TEX14: variants seen among roughly 807,000 people sequenced by gnomAD.
TEX14 encodes testis expressed 14, intercellular bridge forming factor, also known as inactive serine/threonine-protein kinase TEX14.
Under a neutral mutation model 178.6 loss-of-function variants are expected in TEX14, and 168 were observed. The ratio of observed to expected loss-of-function variants is 0.94; its 90% CI spans 0.83 to 1.07. The LOEUF is 1.07. Among genes scored for constraint, TEX14 ranks in the 50% least tolerant of loss-of-function variants. The probability of loss-of-function intolerance (pLI) is 0.00; values close to 1 mark genes in which losing one functional copy is unlikely to be tolerated. For missense variants in TEX14, 1,730 were observed against 1,753.6 expected (o/e 0.99, Z 0.24); for synonymous variants, 626 against 634.1 (o/e 0.99, Z 0.19).
chr17:58,610,185 C>T (rs1054587597), intron 10 of TEX14, among the ~76,000 whole-genome samples: 2 of 152,256 alleles, frequency 1.3e-5, no homozygotes, highest in Admixed American at 6.5e-5. Flanking sequence ...TCTCACTGTG[C>T]TGAGCCCCTT....
intron 13 of TEX14, 138 bp from the exon 14 acceptor site, chr17:58,599,804 G>A (rs1313983269): frequency 5.9e-6 from 4 of 673,258 alleles, no homozygotes; most frequent in Non-Finnish European, 9.9e-6. Flanking sequence ...TCCCAGTTGT[G>A]GAAGACTACT....
chr17:58,617,479 G>C (rs2045899281), intron 6 of TEX14, 59 bp downstream of exon 6: 2 of 1,287,108 alleles, frequency 1.6e-6, no homozygotes, highest in African/African-American at 2.9e-5. Context: ...GTGGGAGATG[G>C]GGCCCGATGA....
intron 13 of TEX14, 88 bp from the exon 14 acceptor site, chr17:58,599,754 GTC>G: frequency 1.1e-6 from 1 of 940,274 alleles, no homozygotes; most frequent in Non-Finnish European, 1.5e-6. Flanking sequence ...GGCAAAGACT[GTC>G]AAAAAAAAAA....
At chr17:58,591,604 A>G (rs570292782) in intron 15 of TEX14, among the ~76,000 whole-genome samples, 1 of 152,248 alleles carries the variant, frequency 6.6e-6, no homozygotes, top group African/African-American at 2.4e-5. Flanking sequence ...TGAAACAAAC[A>G]GCAAACTCGT....
At chr17:58,572,310 T>C (rs1006800853) in intron 23 of TEX14, among the ~76,000 whole-genome samples, 184 bp from the exon 24 acceptor site, 8 of 151,990 alleles carry the variant, frequency 5.3e-5, no homozygotes, top group Non-Finnish European at 2.9e-5. Context: ...AACCTATACC[T>C]ATACTAAGGA....
chr17:58,633,684 G>A (rs953392500), intron 2 of TEX14, among the ~76,000 whole-genome samples: 3 of 151,938 alleles, frequency 2.0e-5, no homozygotes, highest in Non-Finnish European at 2.9e-5. Context: ...AAAATTAGCC[G>A]GGGGCCGGGC....
Position 58,623,011 on chromosome 17 carries a change from G to A in TEX14, c.253C>T (p.Arg85Cys), listed in dbSNP as rs375760960. 1.1e-5 allele frequency: 18 copies of A among 1,588,242 alleles called. No homozygotes were observed. The highest frequency in any genetic ancestry group is 3.4e-5 in the Admixed American group (2 of 59,616). The change falls in exon 4 of 32, where the codon CGC (arginine) becomes TGC (cysteine). Residue 85 changes from arginine (R) to cysteine (C), a missense_variant and splice_region_variant. Coordinates refer to ENST00000349033, the MANE Select transcript of TEX14 (RefSeq NM_031272.5). ...LVDYGSDPNH[R>C]CFDGSTPVHA... ...ACAGGGGTGCTCCCATCAAAGCAGC[G>A]GCTGGGGAGGGAGATGAGTACAATT...
chr17:58,684,033 C>T (rs1484204470), intron 1 of TEX14, among the ~76,000 whole-genome samples: 2 of 152,090 alleles, frequency 1.3e-5, no homozygotes, highest in African/African-American at 4.8e-5. Context: ...CCACTGCACT[C>T]CAGCCTGGCT....
chr17:58,573,762 G>A (rs1004547079), intron 22 of TEX14, among the ~76,000 whole-genome samples: 7 of 151,924 alleles, frequency 4.6e-5, no homozygotes, highest in Non-Finnish European at 8.8e-5. Context: ...CAGGTGATCC[G>A]CCCACCTCAG....
At chr17:58,578,850 T>C (rs1042423706) in intron 20 of TEX14, among the ~76,000 whole-genome samples, 3 of 152,184 alleles carry the variant, frequency 2.0e-5, no homozygotes, top group Admixed American at 6.5e-5. Flanking sequence ...AAGGTTACAG[T>C]TGGAAGCTGG....
At chr17:58,622,360 T>G (rs1404431317) in intron 4 of TEX14, among the ~76,000 whole-genome samples, 1 of 151,588 alleles carries the variant, frequency 6.6e-6, no homozygotes, top group Non-Finnish European at 1.5e-5. Context: ...GCAGGAGAAT[T>G]GCTTGAACCC....
At chr17:58,661,193 G>A (rs1346718709) in intron 1 of TEX14, 1 of 799,952 alleles carries the variant, frequency 1.3e-6, no homozygotes, top group Non-Finnish European at 2.3e-6. Context: ...GTGATTTTCA[G>A]CTGAGTTGGT....
chr17:58,561,713 G>A (rs2044277157), intron 28 of TEX14, 101 bp from the exon 29 acceptor site: 3 of 764,646 alleles, frequency 3.9e-6, no homozygotes, highest in Non-Finnish European at 6.8e-6. Context: ...CTTAAAACCT[G>A]TGCTTTCACT....
chr17:58,557,397 A>C (rs2144312623), intron 31 of TEX14, among the ~76,000 whole-genome samples: 2 of 151,820 alleles, frequency 1.3e-5, no homozygotes, highest in South Asian at 4.2e-4. Context: ...CAGCCTCCTG[A>C]GTAGCTGGGA....
At chr17:58,591,713 G>GAA (rs991621890) in intron 15 of TEX14, among the ~76,000 whole-genome samples, 221 of 131,526 alleles carry the variant, frequency 1.7e-3, no homozygotes, top group African/African-American at 5.9e-3. Flanking sequence ...TTATCCACAG[G>GAA]AAAAAAAAAA....
At chr17:58,637,974 G>A (rs1388726386) in intron 2 of TEX14, among the ~76,000 whole-genome samples, 1 of 150,662 alleles carries the variant, frequency 6.6e-6, no homozygotes, top group Non-Finnish European at 1.5e-5. Flanking sequence ...CAATTCTCCT[G>A]CCTCAGCCTC....
intron 24 of TEX14, among the ~76,000 whole-genome samples, chr17:58,571,429 G>T (rs950892796): frequency 3.3e-5 from 5 of 151,586 alleles, no homozygotes; most frequent in Non-Finnish European, 7.4e-5. Context: ...GTAGAGATGG[G>T]GTTTCGTCAT....
At chr17:58,691,449 A>G (rs2047719180) in intron 1 of TEX14, among the ~76,000 whole-genome samples, 2 of 151,842 alleles carry the variant, frequency 1.3e-5, no homozygotes, top group Non-Finnish European at 2.9e-5. Context: ...CAGGCGGATC[A>G]CGAGGTCAGG....
intron 15 of TEX14, among the ~76,000 whole-genome samples, chr17:58,589,460 G>A (rs531159701): frequency 1.3e-5 from 2 of 149,768 alleles, no homozygotes; most frequent in East Asian, 3.9e-4. Context: ...TACTTGGGAG[G>A]CTGAGGCAGG....
Sources: allele counts gnomAD v4.1 joint callset (sites outside exome capture counted in the v4.1 genomes callset), GRCh38; gene constraint gnomAD v4.1.1; transcripts MANE v1.5; gene names NCBI Gene and HGNC (gene_info 2026-07-23, HGNC 2026-07-21).